Variants in RIN2 observed in about 807,000 individuals in gnomAD.
RIN2 encodes the protein Ras and Rab interactor 2.
Under a neutral mutation model 78.0 loss-of-function variants are expected in RIN2, and 36 were observed. That is an observed-to-expected ratio of 0.46 (90% confidence interval 0.35 to 0.61). The LOEUF (loss-of-function observed/expected upper bound fraction) is 0.61, where lower values mean the gene tolerates loss of function less well. RIN2 is among the 20% of genes least tolerant of loss of function. The pLI, the probability that RIN2 is intolerant of heterozygous loss-of-function variation, is 0.00. For synonymous variants in RIN2, 466 were observed against 466.8 expected, an observed-to-expected ratio of 1.00 and a Z score of 0.02; for missense variants, 1,087 against 1,159.7, an observed-to-expected ratio of 0.94 and a Z score of 0.91.
chr20:19,821,767 G>A (rs1353247701), intron 2 of RIN2, among the ~76,000 whole-genome samples: 1 of 152,134 alleles, frequency 6.6e-6, no homozygotes, highest in Non-Finnish European at 1.5e-5. Flanking sequence ...TCCCTCAGAA[G>A]AACTTGCACT....
chr20:19,843,737 C>T (rs1192377620), intron 2 of RIN2, among the ~76,000 whole-genome samples: 1 of 152,090 alleles, frequency 6.6e-6, no homozygotes, highest in Admixed American at 6.6e-5. Flanking sequence ...TACCACAATC[C>T]ACCAGCATGC....
At chr20:19,818,383 T>C (rs77904042) in intron 2 of RIN2, among the ~76,000 whole-genome samples, 3,844 of 152,232 alleles carry the variant, frequency 0.025, 172 homozygotes, top group African/African-American at 0.088. Flanking sequence ...GAGTGTGAAG[T>C]CATGGGGATC....
intron 2 of RIN2, among the ~76,000 whole-genome samples, chr20:19,812,336 A>G (rs888784133): frequency 6.6e-6 from 1 of 152,188 alleles, no homozygotes; most frequent in Non-Finnish European, 1.5e-5. Flanking sequence ...CCCATCAACT[A>G]TGTATGGTGC....
chr20:19,932,246 C>T (rs1227206268), intron 3 of RIN2, among the ~76,000 whole-genome samples: 1 of 152,208 alleles, frequency 6.6e-6, no homozygotes, highest in African/African-American at 2.4e-5. Flanking sequence ...ATTTCCTCTC[C>T]CTGTCTCCAC....
At chr20:19,767,092 C>T (rs12625484) in intron 1 of RIN2, among the ~76,000 whole-genome samples, 29,026 of 152,082 alleles carry the variant, frequency 0.19, 2,988 homozygotes, top group East Asian at 0.33. Flanking sequence ...ATTTACTTAA[C>T]GTGTCTACAG....
intron 1 of RIN2, among the ~76,000 whole-genome samples, chr20:19,760,409 T>G (rs993217219): frequency 6.6e-6 from 1 of 152,148 alleles, no homozygotes; most frequent in Non-Finnish European, 1.5e-5. Flanking sequence ...ACACTTGACC[T>G]CTAGTGTAGG....
chr20:19,873,390 T>TGCTGGAATTACAGGTG (rs1438332523), intron 2 of RIN2, among the ~76,000 whole-genome samples: 2 of 152,210 alleles, frequency 1.3e-5, no homozygotes, highest in African/African-American at 4.8e-5. Context: ...CCTGCCAATG[T>TGCTGGAATTACAGGTG]GCTGGAATTA....
intron 2 of RIN2, among the ~76,000 whole-genome samples, chr20:19,843,741 A>G (rs1487236786): frequency 6.6e-6 from 1 of 152,206 alleles, no homozygotes. Context: ...ACAATCCACC[A>G]GCATGCGCGA....
At chr20:19,992,436 T>C in intron 11 of RIN2, 137 bp downstream of exon 11, 3 of 818,030 alleles carry the variant, frequency 3.7e-6, no homozygotes, top group Non-Finnish European at 3.6e-6. Context: ...ATTCACAATG[T>C]CATGCATTCT....
At chr20:19,807,795 C>T (rs1193850588) in intron 2 of RIN2, among the ~76,000 whole-genome samples, 1 of 152,234 alleles carries the variant, frequency 6.6e-6, no homozygotes. Flanking sequence ...TTCTGTGCTT[C>T]TCTCAATACC....
intron 3 of RIN2, among the ~76,000 whole-genome samples, chr20:19,895,361 C>A (rs112144031): frequency 6.6e-6 from 1 of 152,096 alleles, no homozygotes; most frequent in African/African-American, 2.4e-5. Context: ...GTGAATTGTC[C>A]GGTCGACAGT....
chr20:19,792,746 T>C (rs2034927432), intron 1 of RIN2, among the ~76,000 whole-genome samples: 1 of 152,194 alleles, frequency 6.6e-6, no homozygotes, highest in African/African-American at 2.4e-5. Flanking sequence ...AAAATGAGCA[T>C]ATTCTATTAC....
At chr20:19,888,999 C>A in intron 2 of RIN2, 2 of 383,346 alleles carry the variant, frequency 5.2e-6, no homozygotes, top group Non-Finnish European at 7.1e-6. Flanking sequence ...TTGTCCTCTT[C>A]CGTGAACTGA....
intron 9 of RIN2, among the ~76,000 whole-genome samples, chr20:19,977,254 C>T (rs2042307833): frequency 1.3e-5 from 2 of 152,148 alleles, no homozygotes; most frequent in Admixed American, 6.5e-5. Context: ...GCGGCGCCAA[C>T]CAGCCCACAG....
intron 6 of RIN2, among the ~76,000 whole-genome samples, chr20:19,964,101 T>C (rs2041857659): frequency 6.6e-6 from 1 of 151,970 alleles, no homozygotes; most frequent in Admixed American, 6.6e-5. Context: ...TGACCTCAGG[T>C]AATCCACCCA....
At chr20:19,861,777 C>G (rs556005103) in intron 2 of RIN2, among the ~76,000 whole-genome samples, 31 of 152,020 alleles carry the variant, frequency 2.0e-4, no homozygotes, top group Admixed American at 7.2e-4. Flanking sequence ...GATGATCACC[C>G]TCCATATCTG....
intron 7 of RIN2, among the ~76,000 whole-genome samples, chr20:19,970,258 C>A (rs2042063649): frequency 6.6e-6 from 1 of 152,228 alleles, no homozygotes. Context: ...TAACAAGACC[C>A]TGGGTATCTA....
Position 19,975,182 on chromosome 20 carries a change from C to A in RIN2, c.1157C>A (p.Pro386Gln), listed in dbSNP as rs749497967. The change falls in exon 9 of 13, where the codon CCG (proline) becomes CAG (glutamine). Residue 386 changes from proline to glutamine, a missense_variant. By Grantham distance (76) the Pro-to-Gln change is moderately conservative. Around this residue, in one of 8 missense-constraint regions of RIN2, gnomAD observed 706 missense variants for 667.5 expected, o/e 1.06. Transcript: ENST00000255006. This position sits in a 1 kb window ranked among gnomAD's most constrained non-coding sequence, Gnocchi z 4.9. ...TLSGGRPGAG[P>Q]ELELGTAGSP... ...AGCGGCGGCCGGCCGGGCGCAGGCC[C>A]GGAGCTGGAGCTGGGCACAGCTGGC... The A allele has an allele frequency of 6.2e-7, 1 of 1,608,688 alleles. No individual in the cohort carries two copies. The highest frequency in any genetic ancestry group is 1.1e-5 in the South Asian group (1 of 90,734).
intron 9 of RIN2, among the ~76,000 whole-genome samples, chr20:19,983,735 C>T (rs1221492352): frequency 1.3e-5 from 2 of 151,996 alleles, no homozygotes; most frequent in East Asian, 1.9e-4. Flanking sequence ...GCATATGTTG[C>T]GTAGTGATGA....
Sources: gnomAD v4.1 joint callset for allele counts (sites outside exome capture counted in the v4.1 genomes callset) on GRCh38, gnomAD v4.1.1 for gene constraint, gnomAD v4.1.1 regional missense constraint, Gnocchi (gnomAD v3.1) non-coding constraint, MANE v1.5 for transcripts, NCBI Gene and HGNC (gene_info 2026-07-23, HGNC 2026-07-21) for gene names.